Variants in ITPR2 observed in about 807,000 individuals in gnomAD.
ITPR2 encodes the protein inositol 1,4,5-trisphosphate-gated calcium channel ITPR2.
In ITPR2, 207 loss-of-function variants were observed where a neutral mutation model predicts 317.1. The observed-to-expected ratio is 0.65, with a 90% CI of 0.58 to 0.73. The LOEUF (loss-of-function observed/expected upper bound fraction) is 0.73. Among genes scored for constraint, ITPR2 ranks in the 30% least tolerant of loss-of-function variants. ITPR2 has a pLI of 0.00. For missense variants in ITPR2, 2,613 were observed against 3,284.0 expected (o/e 0.80, Z 4.99); for synonymous variants, 1,156 against 1,149.1 (o/e 1.01, Z -0.12).
chr12:26,526,999 T>C (rs922711464), intron 37 of ITPR2, among the ~76,000 whole-genome samples: 1 of 152,204 alleles, frequency 6.6e-6, no homozygotes, highest in Admixed American at 6.5e-5. Flanking sequence ...CTACCTTCTT[T>C]ATGAAATATC....
At chr12:26,396,950 C>T (rs1940019313) in intron 54 of ITPR2, among the ~76,000 whole-genome samples, 1 of 152,210 alleles carries the variant, frequency 6.6e-6, no homozygotes, top group African/African-American at 2.4e-5. Flanking sequence ...ACTCTGCCTT[C>T]TATCCTTAAT....
At chr12:26,537,121 T>A (rs1041347569) in intron 37 of ITPR2, among the ~76,000 whole-genome samples, 1 of 151,924 alleles carries the variant, frequency 6.6e-6, no homozygotes, top group African/African-American at 2.4e-5. Context: ...GTGGCAGTTC[T>A]GGAGCGGGAG....
intron 21 of ITPR2, chr12:26,649,422 T>C (rs1947191635): frequency 6.6e-6 from 1 of 152,170 alleles, no homozygotes; most frequent in Non-Finnish European, 1.5e-5. Flanking sequence ...ATTTCTACAA[T>C]CCATTTTCAA....
At chr12:26,626,420 G>C (rs1946626341) in intron 23 of ITPR2, among the ~76,000 whole-genome samples, 1 of 152,232 alleles carries the variant, frequency 6.6e-6, no homozygotes, top group African/African-American at 2.4e-5. Context: ...TAGAGAGAAA[G>C]GGTTTTCTGG....
chr12:26,540,804 G>A (rs1944238050), intron 37 of ITPR2, among the ~76,000 whole-genome samples: 1 of 152,074 alleles, frequency 6.6e-6, no homozygotes, highest in African/African-American at 2.4e-5. Flanking sequence ...AACCAGCCCA[G>A]CAACTGAAAA....
At chr12:26,740,685 C>T (rs1411340240) in intron 2 of ITPR2, among the ~76,000 whole-genome samples, 73 of 152,214 alleles carry the variant, frequency 4.8e-4, no homozygotes, top group Admixed American at 4.8e-3. Context: ...AAAAGATTTT[C>T]ACTTTGTATG....
rs73292143 is a variant in ITPR2 at position 26,609,862 on chromosome 12, A to G, written c.3463-7156T>C. On this transcript the variant is annotated intron_variant, in intron 26 of 56. Transcript: ENST00000381340. Reference sequence around the variant, plus strand: ...GTGTAAAACAAGCATTTTATTATAAACCAAAAGTTATTTTTCACATGTATG... The same window carrying G: ...GTGTAAAACAAGCATTTTATTATAAGCCAAAAGTTATTTTTCACATGTATG... Among the ~76,000 whole-genome samples the G allele has an allele frequency of 3.7e-3, 558 of 152,330 alleles. 3 individuals are homozygous for G. Among genetic ancestry groups the G allele is most frequent in the African/African-American group, 0.013 (538 of 41,572 alleles).
At chr12:26,636,406 T>C (rs2136847827) in intron 21 of ITPR2, among the ~76,000 whole-genome samples, 1 of 152,328 alleles carries the variant, frequency 6.6e-6, no homozygotes, top group East Asian at 1.9e-4. Context: ...GGAGTCTACC[T>C]TTTTCTAACA....
chr12:26,734,892 GATT>G (rs1270803960), intron 2 of ITPR2, among the ~76,000 whole-genome samples: 1 of 151,166 alleles, frequency 6.6e-6, no homozygotes, highest in African/African-American at 2.4e-5. Flanking sequence ...GCTTTCTTTT[GATT>G]ATTATTACTA....
chr12:26,416,381 G>A (rs1213049399), intron 50 of ITPR2, among the ~76,000 whole-genome samples: 1 of 152,038 alleles, frequency 6.6e-6, no homozygotes, highest in Non-Finnish European at 1.5e-5. Flanking sequence ...CTTTTAGAAA[G>A]GTATAAATAT....
chr12:26,690,343 T>TA (rs1948212428), intron 10 of ITPR2, among the ~76,000 whole-genome samples: 1 of 123,980 alleles, frequency 8.1e-6, no homozygotes, highest in Non-Finnish European at 1.7e-5. Flanking sequence ...TTGCCTAGTG[T>TA]AGAAGCAATA....
intron 2 of ITPR2, among the ~76,000 whole-genome samples, chr12:26,767,389 A>G (rs1212176726): frequency 1.3e-5 from 2 of 152,234 alleles, no homozygotes; most frequent in Non-Finnish European, 2.9e-5. Context: ...AGCTCTTTCA[A>G]TATGAAACTT....
rs74882614 is a variant in ITPR2 at position 26,594,956 on chromosome 12, G to A, written c.4380+509C>T. Among the ~76,000 whole-genome samples the A allele has an allele frequency of 8.2e-3, 1,243 of 152,274 alleles. 10 individuals carry two copies. The highest frequency in any genetic ancestry group is 0.018 in the African/African-American group (767 of 41,560). On this transcript the variant is annotated intron_variant, in intron 32 of 56. Transcript: ENST00000381340. ...TAAGCGAATATAATTTGGTGGACAC[G>A]AGTGAAAATGCCAGATGATTAAATT...
intron 46 of ITPR2, among the ~76,000 whole-genome samples, chr12:26,439,869 C>T (rs1941443811): frequency 6.6e-6 from 1 of 152,056 alleles, no homozygotes; most frequent in Admixed American, 6.6e-5. Context: ...TAAACATATA[C>T]CCACATTTAA....
chr12:26,591,606 GA>G (rs1407754208), intron 32 of ITPR2, among the ~76,000 whole-genome samples: 30 of 152,034 alleles, frequency 2.0e-4, no homozygotes, highest in Admixed American at 7.2e-4. Context: ...GAGATGGGTG[GA>G]TCACTTGAGG....
At chr12:26,412,916 G>A (rs781207871) in intron 51 of ITPR2, among the ~76,000 whole-genome samples, 64 of 152,304 alleles carry the variant, frequency 4.2e-4, no homozygotes, top group Non-Finnish European at 7.5e-4. Context: ...GAGAGACAGT[G>A]AGAGCTATGG....
At chr12:26,758,473 C>T (rs189489030) in intron 2 of ITPR2, among the ~76,000 whole-genome samples, 128 of 152,292 alleles carry the variant, frequency 8.4e-4, no homozygotes, top group African/African-American at 2.7e-3. Context: ...CCCATCTTAA[C>T]GCTAGCCTTT....
intron 32 of ITPR2, among the ~76,000 whole-genome samples, chr12:26,592,417 T>C (rs1945731270): frequency 6.6e-6 from 1 of 152,224 alleles, no homozygotes; most frequent in Non-Finnish European, 1.5e-5. Context: ...AACTGGATTG[T>C]TTGTAACAGA....
At chr12:26,468,261 T>C (rs1942217484) in intron 45 of ITPR2, among the ~76,000 whole-genome samples, 1 of 152,072 alleles carries the variant, frequency 6.6e-6, no homozygotes, top group South Asian at 2.1e-4. Context: ...AGAGAGATGG[T>C]ATCATGAACA....
Sources: gnomAD v4.1 joint callset for allele counts (sites outside exome capture counted in the v4.1 genomes callset) on GRCh38, gnomAD v4.1.1 for gene constraint, MANE v1.5 for transcripts, NCBI Gene and HGNC (gene_info 2026-07-23, HGNC 2026-07-21) for gene names.